MAP3K15: variants seen among roughly 807,000 people sequenced by gnomAD.
The protein encoded by MAP3K15 is MAPK/ERK kinase kinase 15.
Under a neutral mutation model 99.5 loss-of-function variants are expected in MAP3K15, and 124 were observed. That is an observed-to-expected ratio of 1.25 (90% confidence interval 1.08 to 1.45). The LOEUF (loss-of-function observed/expected upper bound fraction) is 1.45. Ranked by LOEUF, MAP3K15 falls within the 40% of genes most tolerant of loss-of-function variation. The pLI is 0.00. For missense variants in MAP3K15, 1,242 were observed against 1,079.7 expected (o/e 1.15, Z -2.11); for synonymous variants, 494 against 439.6 (o/e 1.12, Z -1.55).
chrX:19,436,693 C>T (rs908627066), intron 6 of MAP3K15, among the ~76,000 whole-genome samples: 1 of 111,142 alleles, frequency 9.0e-6, no homozygotes, highest in Non-Finnish European at 1.9e-5. Flanking sequence ...TTTTGTCCCC[C>T]TCAGACAGAG....
In MAP3K15 at chrX:19,374,513, T is replaced by TG. The variant is rs754776328; in HGVS notation, c.2736dup (p.Lys913GlnfsTer48). The TG allele has an allele frequency of 8.3e-6, 10 of 1,209,575 alleles. No homozygotes were observed. The highest frequency in any genetic ancestry group is 1.0e-5 in the Non-Finnish European group (9 of 895,116). On this transcript the variant is annotated frameshift_variant, in exon 20 of 29. Transcript: ENST00000338883. LOFTEE classifies it high-confidence loss of function. ...AAGGCAATTCGGTTCTTCTTGCCCT[T>TG]GTTCACCTGCCTTAAGAAACCCTCT...
At chrX:19,430,231 T>C (rs1045385725) in intron 7 of MAP3K15, among the ~76,000 whole-genome samples, 5 of 112,146 alleles carry the variant, frequency 4.5e-5, no homozygotes, top group Admixed American at 2.8e-4. Context: ...AACCTAAGCC[T>C]CTAGAGGCTT....
rs1409658241 is a variant in MAP3K15, at chrX:19,372,670, G to A, written c.3091C>T (p.Gln1031Ter). The A allele has an allele frequency of 1.7e-6, 2 of 1,209,876 alleles. No homozygotes were observed. Among genetic ancestry groups the A allele is most frequent in the East Asian group, 3.0e-5 (1 of 33,777 alleles). The change falls in exon 22 of 29, where the codon CAG becomes TAG. Residue 1031 changes from glutamine to a stop codon, truncating the protein, a stop_gained. Coordinates refer to ENST00000338883, the MANE Select transcript of MAP3K15 (RefSeq NM_001001671.4). LOFTEE classifies it high-confidence loss of function. ...EEQNQVASNL[Q>*]ECVAQSSEEL... ...GCAAATACCTGGGCCACACACTCCTGCAGGTTGGAAGCCACCTGGTTCTGC... is the reference window on the plus strand; with the variant it reads ...GCAAATACCTGGGCCACACACTCCTACAGGTTGGAAGCCACCTGGTTCTGC...
intron 1 of MAP3K15, among the ~76,000 whole-genome samples, chrX:19,495,496 T>C (rs1488865343): frequency 1.8e-5 from 2 of 111,108 alleles, no homozygotes; most frequent in Non-Finnish European, 3.8e-5. Flanking sequence ...ACCTGGCCTA[T>C]CTTTTGCTTC....
At chrX:19,467,582 C>A (rs775593932) in intron 3 of MAP3K15, among the ~76,000 whole-genome samples, 66 of 110,040 alleles carry the variant, frequency 6.0e-4, no homozygotes, top group African/African-American at 2.0e-3. Flanking sequence ...GCCTGGCCAA[C>A]ATGGTGAAAC....
Position 19,360,224 on chromosome X carries a change from T to TAACTA in MAP3K15, c.*520_*524dup, listed in dbSNP as rs2063265418. On this transcript the variant is annotated 3_prime_UTR_variant, in exon 29 of 29. Coordinates refer to ENST00000338883, the MANE Select transcript of MAP3K15 (RefSeq NM_001001671.4). ...GCTATTTTCTGTTCATATCAAACAT[T>TAACTA]AACTACAAGGCACATTCGTATCAGT... 7.4e-6 allele frequency: 1 copy of TAACTA among 135,807 alleles called. No individual in the cohort carries two copies. The highest frequency in any genetic ancestry group is 8.0e-5 in the Admixed American group (1 of 12,529). The allele number at this position is 135,807 out of a possible 1,213,427, so 11.2% of individuals were successfully genotyped here.
At chrX:19,400,922 C>T (rs929526588) in intron 13 of MAP3K15, among the ~76,000 whole-genome samples, 1 of 111,483 alleles carries the variant, frequency 9.0e-6, no homozygotes, top group Non-Finnish European at 1.9e-5. Flanking sequence ...CCTCCAGCAA[C>T]AGAGAACTCA....
chrX:19,410,847 C>T (rs936536061), intron 11 of MAP3K15, among the ~76,000 whole-genome samples: 1 of 111,579 alleles, frequency 9.0e-6, no homozygotes, highest in Non-Finnish European at 1.9e-5. Context: ...TAGGCAATAA[C>T]ATCAATACAT....
intron 6 of MAP3K15, among the ~76,000 whole-genome samples, chrX:19,453,977 T>A: frequency 9.0e-6 from 1 of 111,527 alleles, no homozygotes; most frequent in Non-Finnish European, 1.9e-5. Flanking sequence ...GTGAATACAG[T>A]AGGTTCTGGA....
chrX:19,374,718 T>C, intron 19 of MAP3K15, 58 bp from the exon 20 acceptor site: 1 of 1,070,509 alleles, frequency 9.3e-7, no homozygotes, highest in Non-Finnish European at 1.3e-6. Context: ...AATTCAGGTA[T>C]CCATGTCTCA....
intron 14 of MAP3K15, 104 bp downstream of exon 14, chrX:19,400,472 T>C (rs759718086): frequency 9.2e-6 from 5 of 544,374 alleles, no homozygotes; most frequent in Non-Finnish European, 1.5e-5. Flanking sequence ...GGCAGGTTCA[T>C]AAAACATACT....
chrX:19,439,134 T>G (rs914570035), intron 6 of MAP3K15, among the ~76,000 whole-genome samples: 2 of 110,878 alleles, frequency 1.8e-5, no homozygotes, highest in African/African-American at 6.6e-5. Context: ...AAGGTGAAGG[T>G]TGCAGTGAGT....
chrX:19,391,172 G>C (rs1382196453), intron 18 of MAP3K15, among the ~76,000 whole-genome samples: 1 of 111,710 alleles, frequency 9.0e-6, no homozygotes, highest in Non-Finnish European at 1.9e-5. Flanking sequence ...GGAAGAATTA[G>C]CCTCTCTTGG....
At chrX:19,485,768 G>A (rs190620686) in intron 3 of MAP3K15, among the ~76,000 whole-genome samples, 2 of 110,961 alleles carry the variant, frequency 1.8e-5, no homozygotes, top group Admixed American at 1.9e-4. Flanking sequence ...GGGGACCAAG[G>A]GCCTGTCCTG....
intron 19 of MAP3K15, among the ~76,000 whole-genome samples, chrX:19,375,843 C>T (rs2063413357): frequency 8.9e-6 from 1 of 112,410 alleles, no homozygotes; most frequent in African/African-American, 3.2e-5. Flanking sequence ...TCCTCCTGGC[C>T]AGGCTGCCCA....
In MAP3K15 at chrX:19,360,086, AAGAGGAC is replaced by A; in HGVS notation, c.*656_*662del. ...CAAGATACAATATTTATTATCAGGC[AAGAGGAC>A]AGTTCCATTTTAAAATAAGACTTTT... On this transcript the variant is annotated 3_prime_UTR_variant, in exon 29 of 29. Transcript: ENST00000338883. 5.8e-6 allele frequency: 1 copy of A among 173,009 alleles called. No homozygotes were observed. Among genetic ancestry groups the A allele is most frequent in the Non-Finnish European group, 1.1e-5 (1 of 92,861 alleles). The allele number at this position is 173,009 out of a possible 1,213,427, so 14.3% of individuals were successfully genotyped here. A position where few individuals can be genotyped will look rare whatever the true frequency, so the allele number is the denominator to read the frequency against.
chrX:19,494,908 C>G (rs1315606730), intron 1 of MAP3K15, among the ~76,000 whole-genome samples: 2 of 107,734 alleles, frequency 1.9e-5, no homozygotes, highest in Non-Finnish European at 3.8e-5. Context: ...ATATACTGGA[C>G]AGAAGGCACC....
chrX:19,402,970 A>C (rs2063619867), intron 13 of MAP3K15, among the ~76,000 whole-genome samples: 1 of 111,695 alleles, frequency 9.0e-6, no homozygotes, highest in Non-Finnish European at 1.9e-5. Flanking sequence ...CCAGCTATGA[A>C]TATTATTTTA....
At position 19,398,769 on chromosome X, in the gene MAP3K15, G is replaced by A. The variant is rs150712728; in HGVS notation, c.1933-410C>T. 2.8e-3 allele frequency among the ~76,000 whole-genome samples: 309 copies of A among 111,642 alleles called. 1 individual carries two copies. The highest frequency in any genetic ancestry group is 8.8e-3 in the African/African-American group (270 of 30,724). On this transcript the variant is annotated intron_variant, in intron 14 of 28. Coordinates refer to ENST00000338883, the MANE Select transcript of MAP3K15 (RefSeq NM_001001671.4). Reference sequence around the variant, plus strand: ...TTCAATAACCCAGAAAGGAATTGAAGGTCAATATAATTAACATTATCTTAA... The same window carrying A: ...TTCAATAACCCAGAAAGGAATTGAAAGTCAATATAATTAACATTATCTTAA...
Sources: gnomAD v4.1 joint callset for allele counts (sites outside exome capture counted in the v4.1 genomes callset) on GRCh38, gnomAD v4.1.1 for gene constraint, MANE v1.5 for transcripts, NCBI Gene and HGNC (gene_info 2026-07-23, HGNC 2026-07-21) for gene names.